The following SEPTIN7 variants were observed in gnomAD, a reference collection of about 807,000 sequenced individuals.
SEPTIN7 encodes the protein septin 7.
SEPTIN7 carries 10 observed loss-of-function variants against 63.3 expected under a neutral mutation model. The ratio of observed to expected loss-of-function variants is 0.16; its 90% CI spans 0.10 to 0.27. The LOEUF (loss-of-function observed/expected upper bound fraction) is 0.27, where lower values mean the gene tolerates loss of function less well. Among genes scored for constraint, SEPTIN7 ranks in the 10% least tolerant of loss-of-function variants. The pLI is 1.00. For synonymous variants in SEPTIN7, 131 were observed against 165.3 expected, an observed-to-expected ratio of 0.79 and a Z score of 1.59; for missense variants, 310 against 521.0, an observed-to-expected ratio of 0.59 and a Z score of 3.94.
chr7:35,810,613 G>A (rs1383284226), intron 1 of SEPTIN7, among the ~76,000 whole-genome samples: 12 of 152,048 alleles, frequency 7.9e-5, no homozygotes, highest in African/African-American at 2.9e-4. Flanking sequence ...GTGAGCCACC[G>A]CGCCCAGCCA....
intron 6 of SEPTIN7, among the ~76,000 whole-genome samples, chr7:35,878,226 G>A (rs1463213682): frequency 6.6e-6 from 1 of 152,010 alleles, no homozygotes; most frequent in Non-Finnish European, 1.5e-5. Context: ...GTGGAAATTG[G>A]ATCATAAGCC....
rs970987944 is a variant in SEPTIN7, at chr7:35,879,694, A to G, written c.513-129A>G. The G allele has an allele frequency of 1.6e-5, 10 of 640,950 alleles. No homozygotes were observed. The Admixed American group carries it at 2.3e-4, about 15-fold the overall frequency. The allele number at this position is 640,950 out of a possible 1,614,324, so 39.7% of individuals were successfully genotyped here. A position where few individuals can be genotyped will look rare whatever the true frequency, so the allele number is the denominator to read the frequency against. Reference sequence around the variant, plus strand: ...GTTCTACCTAACTTTTGCTGGCCTAATACATCTTCAGAGTGTTTCTGATAA... The same window carrying G: ...GTTCTACCTAACTTTTGCTGGCCTAGTACATCTTCAGAGTGTTTCTGATAA... On this transcript the variant is annotated intron_variant, in intron 6 of 13. Transcript: ENST00000350320.
rs1158980463 is a variant in SEPTIN7, at chr7:35,906,976, A to G, written c.*2683A>G. The G allele has an allele frequency of 6.6e-6, 1 of 152,250 alleles. No homozygotes were observed. The highest frequency in any genetic ancestry group is 2.4e-5 in the African/African-American group (1 of 41,458). The allele number at this position is 152,250 out of a possible 1,614,324, so 9.4% of individuals were successfully genotyped here. A position where few individuals can be genotyped will look rare whatever the true frequency, so the allele number is the denominator to read the frequency against. On this transcript the variant is annotated 3_prime_UTR_variant, in exon 14 of 14. Transcript: ENST00000350320. ...CCTGATGCTATTTCCTTACAAAAAT[A>G]TTTGTTGAGCATGTGTCCATAATTA...
At chr7:35,820,588 G>A (rs1789354092) in intron 1 of SEPTIN7, among the ~76,000 whole-genome samples, 2 of 151,738 alleles carry the variant, frequency 1.3e-5, no homozygotes, top group Non-Finnish European at 2.9e-5. Flanking sequence ...TATCTTTTTT[G>A]ATATTATCTA....
At chr7:35,808,031 C>G (rs1303942777) in intron 1 of SEPTIN7, among the ~76,000 whole-genome samples, 1 of 151,926 alleles carries the variant, frequency 6.6e-6, no homozygotes, top group East Asian at 1.9e-4. Context: ...CCATGTTGGT[C>G]AGGCTGGTCT....
chr7:35,877,272 C>T (rs1425614731), intron 6 of SEPTIN7, among the ~76,000 whole-genome samples: 1 of 152,112 alleles, frequency 6.6e-6, no homozygotes, highest in Non-Finnish European at 1.5e-5. Context: ...GGATTTAAGA[C>T]AAGGAGAATT....
intron 3 of SEPTIN7, among the ~76,000 whole-genome samples, chr7:35,845,345 A>G (rs1784605730): frequency 6.6e-6 from 1 of 152,212 alleles, no homozygotes; most frequent in African/African-American, 2.4e-5. Context: ...AAAACGAGGA[A>G]TGAAGAAAAG....
intron 12 of SEPTIN7, 117 bp downstream of exon 12, chr7:35,898,500 C>CAAAA (rs1788091834): frequency 6.6e-6 from 4 of 606,974 alleles, no homozygotes; most frequent in Non-Finnish European, 1.1e-5. Context: ...AAATTAATAC[C>CAAAA]CTAGTGTAAC....
chr7:35,802,198 C>A, intron 1 of SEPTIN7: 1 of 278,774 alleles, frequency 3.6e-6, no homozygotes, highest in Non-Finnish European at 7.6e-6. Flanking sequence ...TCCTTTCCTC[C>A]CCCACATGTT....
At chr7:35,801,422 C>CGCGGCA (rs1787961333) in intron 1 of SEPTIN7, 152 bp downstream of exon 1, 5 of 921,640 alleles carry the variant, frequency 5.4e-6, no homozygotes, top group Non-Finnish European at 7.5e-6. Context: ...GGGCCCGGGG[C>CGCGGCA]GCGGCAGCGG....
intron 1 of SEPTIN7, among the ~76,000 whole-genome samples, chr7:35,807,383 A>G (rs1477110633): frequency 1.2e-4 from 9 of 72,206 alleles, no homozygotes; most frequent in East Asian, 4.6e-4. Flanking sequence ...TTTTTTTTAG[A>G]TGGAGTCTCT....
At chr7:35,812,066 G>A in intron 1 of SEPTIN7, 1 of 251,024 alleles carries the variant, frequency 4.0e-6, no homozygotes, top group Non-Finnish European at 8.4e-6. Context: ...GGCAGAGGTT[G>A]CCGTGAGCCA....
intron 3 of SEPTIN7, chr7:35,847,823 G>T (rs951312329): frequency 7.9e-5 from 12 of 151,982 alleles, no homozygotes; most frequent in African/African-American, 2.7e-4. Flanking sequence ...GATACGTTTT[G>T]GTATATGAGA....
intron 1 of SEPTIN7, among the ~76,000 whole-genome samples, chr7:35,812,402 CAT>C (rs1019743672): frequency 2.7e-5 from 4 of 145,778 alleles, no homozygotes; most frequent in African/African-American, 1.0e-4. Flanking sequence ...GAAAGCTAAA[CAT>C]GTGGTCAACA....
At chr7:35,883,608 C>G (rs1583619973) in intron 8 of SEPTIN7, among the ~76,000 whole-genome samples, 1 of 146,948 alleles carries the variant, frequency 6.8e-6, no homozygotes, top group East Asian at 2.1e-4. Flanking sequence ...TATGGGACAA[C>G]TTTCTGTAGT....
intron 10 of SEPTIN7, among the ~76,000 whole-genome samples, chr7:35,887,655 G>C (rs1787345318): frequency 6.6e-6 from 1 of 152,122 alleles, no homozygotes. Context: ...CCAGCCCAGA[G>C]GCTACTTTGA....
At chr7:35,900,004 G>T (rs1241270644) in intron 12 of SEPTIN7, 2 of 152,126 alleles carry the variant, frequency 1.3e-5, no homozygotes, top group African/African-American at 4.8e-5. Context: ...TTGTATCTAA[G>T]TGTATGAAGA....
At chr7:35,838,299 T>A (rs1385054574) in intron 3 of SEPTIN7, among the ~76,000 whole-genome samples, 2 of 6,740 alleles carry the variant, frequency 3.0e-4, no homozygotes, top group Non-Finnish European at 5.0e-4. Flanking sequence ...CTTCCTTCCT[T>A]CCTTCCCTCC....
intron 4 of SEPTIN7, among the ~76,000 whole-genome samples, chr7:35,869,669 G>T (rs1243308627): frequency 6.6e-6 from 1 of 152,072 alleles, no homozygotes; most frequent in African/African-American, 2.4e-5. Flanking sequence ...TTTTTCCTCA[G>T]ATGGTAAAAC....
Sources: allele counts gnomAD v4.1 joint callset (sites outside exome capture counted in the v4.1 genomes callset), GRCh38; gene constraint gnomAD v4.1.1; transcripts MANE v1.5; gene names NCBI Gene and HGNC (gene_info 2026-07-23, HGNC 2026-07-21).